CRACD: variants seen among roughly 807,000 people sequenced by gnomAD.
The protein encoded by CRACD is capping protein-inhibiting regulator of actin dynamics.
A neutral mutation model predicts 106.8 loss-of-function variants in CRACD; 56 were observed. That is an observed-to-expected ratio of 0.52 (90% CI 0.42 to 0.66). The LOEUF (loss-of-function observed/expected upper bound fraction) is 0.66. CRACD is among the 30% of genes least tolerant of loss of function. The pLI, the probability that CRACD is intolerant of heterozygous loss-of-function variation, is 0.00. For synonymous variants in CRACD, 754 were observed against 670.8 expected, an observed-to-expected ratio of 1.12 and a Z score of -1.92; for missense variants, 1,730 against 1,623.2, an observed-to-expected ratio of 1.07 and a Z score of -1.13.
chr4:56,199,285 C>T (rs1164681431), intron 2 of CRACD, among the ~76,000 whole-genome samples: 1 of 152,122 alleles, frequency 6.6e-6, no homozygotes, highest in Non-Finnish European at 1.5e-5. Flanking sequence ...TAAAGCAGGC[C>T]ACTAGCTCCA....
At chr4:56,213,929 A>T (rs1000069907) in intron 2 of CRACD, among the ~76,000 whole-genome samples, 2 of 152,220 alleles carry the variant, frequency 1.3e-5, no homozygotes, top group African/African-American at 4.8e-5. Context: ...TTTTAGGAGA[A>T]CATCCAGTAA....
At chr4:56,249,499 C>G (rs535936733) in intron 2 of CRACD, among the ~76,000 whole-genome samples, 1 of 151,512 alleles carries the variant, frequency 6.6e-6, no homozygotes, top group South Asian at 2.1e-4. Context: ...GAGTAGGTTG[C>G]GAAAATTTTC....
intron 2 of CRACD, among the ~76,000 whole-genome samples, chr4:56,184,268 A>G (rs952856187): frequency 6.6e-6 from 1 of 152,114 alleles, no homozygotes; most frequent in Non-Finnish European, 1.5e-5. Context: ...ATGGGGTTTC[A>G]CCATGTTGGC....
rs560830792 is a variant in CRACD, at chr4:56,281,028, G to A, written c.-17+8536G>A. Among the ~76,000 whole-genome samples the A allele has an allele frequency of 3.3e-5, 5 of 152,314 alleles. No individual in the cohort carries two copies. In the South Asian group the frequency reaches 1.0e-3, roughly 32 times the overall value. On this transcript the variant is annotated intron_variant, in intron 3 of 10. Transcript: ENST00000682029. ...TAGGTACTAAGCAGGAAAATCAACA[G>A]AGCTGAGCTGAATATGTCTAGAGAA...
chr4:56,247,980 C>T (rs985697852), intron 2 of CRACD, among the ~76,000 whole-genome samples: 2 of 152,042 alleles, frequency 1.3e-5, no homozygotes, highest in South Asian at 2.1e-4. Flanking sequence ...GTGAATTCTA[C>T]GAGGCTGAAG....
intron 1 of CRACD, among the ~76,000 whole-genome samples, chr4:56,057,639 T>TTC (rs1732122475): frequency 6.7e-6 from 1 of 150,144 alleles, no homozygotes; most frequent in Non-Finnish European, 1.5e-5. Flanking sequence ...TTTTTTTTTT[T>TTC]TTTTTGGGAG....
intron 1 of CRACD, among the ~76,000 whole-genome samples, chr4:56,159,013 C>G (rs1251497801): frequency 6.6e-6 from 1 of 152,208 alleles, no homozygotes; most frequent in Non-Finnish European, 1.5e-5. Context: ...CCAGCTGTCC[C>G]ATGCCAGAGT....
chr4:56,321,067 A>G (rs944290434), intron 8 of CRACD: 1 of 175,960 alleles, frequency 5.7e-6, no homozygotes, highest in African/African-American at 2.4e-5. Context: ...GTCAGTGGAC[A>G]TTTCTCCTAC....
In CRACD at chr4:56,275,882, G is replaced by A. The variant is rs541616844; in HGVS notation, c.-17+3390G>A. Among the ~76,000 whole-genome samples, 12 of 152,284 alleles carry A rather than the reference G, an allele frequency of 7.9e-5. No homozygotes were observed. In the East Asian group the frequency reaches 1.9e-3, roughly 25 times the overall value. On this transcript the variant is annotated intron_variant, in intron 3 of 10. Transcript: ENST00000682029. The stretch of plus-strand genomic sequence containing the variant: ...CCTGAAAATGGGAGGCTTGGCATGT[G>A]CCCACAAAGGTTGAGGCCAGTGAAG...
At chr4:56,265,401 GGGGTGTGTGTGTGT>G (rs1337623979) in intron 2 of CRACD, among the ~76,000 whole-genome samples, 1 of 116,248 alleles carries the variant, frequency 8.6e-6, no homozygotes, top group Non-Finnish European at 2.0e-5. Context: ...GTATAGAGGA[GGGGTGTGTGTGTGT>G]GTGTGTGTGT....
intron 3 of CRACD, among the ~76,000 whole-genome samples, chr4:56,280,544 A>C (rs990414846): frequency 6.6e-6 from 1 of 152,150 alleles, no homozygotes; most frequent in Non-Finnish European, 1.5e-5. Flanking sequence ...CCTTTCCCTA[A>C]AAGTAAGCTT....
Position 56,329,645 on chromosome 4 carries a change from A to G in CRACD, c.*1841A>G, listed in dbSNP as rs940157328. ...ATTTCACTGCACGTCTTCCATACTA[A>G]TGTTCATTTCTAAATCTTATATGTA... On this transcript the variant is annotated 3_prime_UTR_variant, in exon 11 of 11. Coordinates refer to ENST00000682029, the MANE Select transcript of CRACD (RefSeq NM_001393381.1). Among the ~76,000 whole-genome samples the G allele has an allele frequency of 1.3e-5, 2 of 152,132 alleles. No individual in the cohort carries two copies. Among genetic ancestry groups the G allele is most frequent in the African/African-American group, 4.8e-5 (2 of 41,418 alleles).
At position 56,290,762 on chromosome 4, in the gene CRACD, C is replaced by G. The variant is rs190934757; in HGVS notation, c.-16-7452C>G. 1.8e-3 allele frequency among the ~76,000 whole-genome samples: 281 copies of G among 152,270 alleles called. 3 individuals carry two copies. Among genetic ancestry groups the G allele is most frequent in the African/African-American group, 6.5e-3 (269 of 41,544 alleles). The stretch of plus-strand genomic sequence containing the variant: ...TCCTTTGTACATGTACATAGGAGAG[C>G]TGACTGCCTTCTAAAGCCCCAGGAA... On this transcript the variant is annotated intron_variant, in intron 3 of 10. Coordinates refer to ENST00000682029, the MANE Select transcript of CRACD (RefSeq NM_001393381.1).
intron 6 of CRACD, among the ~76,000 whole-genome samples, chr4:56,312,876 G>A (rs1382531876): frequency 6.6e-6 from 1 of 152,204 alleles, no homozygotes; most frequent in Non-Finnish European, 1.5e-5. Context: ...CAGGCTGTGG[G>A]CAGGATTTGG....
intron 1 of CRACD, among the ~76,000 whole-genome samples, chr4:56,104,997 A>G (rs1330104771): frequency 6.6e-6 from 1 of 151,470 alleles, no homozygotes; most frequent in Non-Finnish European, 1.5e-5. Context: ...TAATAAAACT[A>G]CCTGCCCCCA....
chr4:56,115,039 GT>G (rs894590230), intron 1 of CRACD, among the ~76,000 whole-genome samples: 1 of 151,976 alleles, frequency 6.6e-6, no homozygotes, highest in African/African-American at 2.4e-5. Flanking sequence ...ATAAAATGTT[GT>G]GGGAGGTCAT....
At chr4:56,051,173 A>T (rs1731860586) in intron 1 of CRACD, among the ~76,000 whole-genome samples, 1 of 152,222 alleles carries the variant, frequency 6.6e-6, no homozygotes, top group Non-Finnish European at 1.5e-5. Context: ...GGCACACAGT[A>T]GGTGTTCAGT....
intron 1 of CRACD, among the ~76,000 whole-genome samples, chr4:56,070,858 T>TGTGTGTGTGTGTGTGC (rs1732624917): frequency 6.7e-6 from 1 of 149,158 alleles, no homozygotes. Context: ...TGTGTGTGTG[T>TGTGTGTGTGTGTGTGC]GTGTGTGTGT....
At chr4:56,311,168 T>C (rs1745134950) in intron 6 of CRACD, 1 of 170,946 alleles carries the variant, frequency 5.8e-6, no homozygotes, top group South Asian at 1.4e-4. Context: ...TTTTAAACTT[T>C]TCTGTGTCCT....
Sources: gnomAD v4.1 joint callset for allele counts (sites outside exome capture counted in the v4.1 genomes callset) on GRCh38, gnomAD v4.1.1 for gene constraint, MANE v1.5 for transcripts, NCBI Gene and HGNC (gene_info 2026-07-23, HGNC 2026-07-21) for gene names.